CACNA1E: variants seen among roughly 807,000 people sequenced by gnomAD.
CACNA1E encodes the protein calcium voltage-gated channel subunit alpha1 E.
Under a neutral mutation model 259.2 loss-of-function variants are expected in CACNA1E, and 40 were observed. That is an observed-to-expected ratio of 0.15 (90% CI 0.12 to 0.20). CACNA1E has a LOEUF of 0.20. Ranked by LOEUF, CACNA1E falls within the 10% of genes least tolerant of loss-of-function variation. The pLI, the probability that CACNA1E is intolerant of heterozygous loss-of-function variation, is 1.00. For missense variants in CACNA1E, 1,874 were observed against 3,040.1 expected (o/e 0.62, Z 9.02); for synonymous variants, 1,104 against 1,138.5 (o/e 0.97, Z 0.61).
rs922443364 is a variant in CACNA1E, at chr1:181,453,924, G to A, written c.435-29820G>A. On this transcript the variant is annotated intron_variant, in intron 2 of 11. Coordinates refer to the CACNA1E transcript ENST00000524607. ...CAGATCCACAGCAGGGAGAACACAGGCTCTGCAGACAGAGACTGGGTATAG... is the reference window on the plus strand; with the variant it reads ...CAGATCCACAGCAGGGAGAACACAGACTCTGCAGACAGAGACTGGGTATAG... Among the ~76,000 whole-genome samples the A allele has an allele frequency of 4.6e-5, 7 of 152,328 alleles. No homozygotes were observed. The South Asian group carries it at 1.5e-3, about 32-fold the overall frequency.
chr1:181,730,824 T>C (rs1298282067), intron 18 of CACNA1E, among the ~76,000 whole-genome samples: 2 of 152,212 alleles, frequency 1.3e-5, no homozygotes, highest in African/African-American at 4.8e-5. Flanking sequence ...CAGCAACATC[T>C]ACAGGATTTC....
At chr1:181,719,538 GA>G (rs1654235345) in intron 12 of CACNA1E, among the ~76,000 whole-genome samples, 2 of 152,242 alleles carry the variant, frequency 1.3e-5, no homozygotes, top group Non-Finnish European at 2.9e-5. Flanking sequence ...TCTACAGTGT[GA>G]AGGATTAAAG....
At chr1:181,678,547 C>T (rs1649609506) in intron 7 of CACNA1E, among the ~76,000 whole-genome samples, 1 of 152,132 alleles carries the variant, frequency 6.6e-6, no homozygotes, top group Non-Finnish European at 1.5e-5. Context: ...CAAGGACATA[C>T]TGAACTAACA....
At chr1:181,654,961 G>A (rs1334546261) in intron 7 of CACNA1E, among the ~76,000 whole-genome samples, 1 of 146,398 alleles carries the variant, frequency 6.8e-6, no homozygotes, top group Non-Finnish European at 1.5e-5. Context: ...CTCCAGCCTG[G>A]GCGACAGCGA....
At chr1:181,634,926 T>TC (rs1657071960) in intron 6 of CACNA1E, among the ~76,000 whole-genome samples, 2 of 152,188 alleles carry the variant, frequency 1.3e-5, no homozygotes, top group African/African-American at 4.8e-5. Context: ...CTCTCTCTCC[T>TC]TTTCCTCATA....
intron 3 of CACNA1E, among the ~76,000 whole-genome samples, chr1:181,562,555 T>G (rs1213253722): frequency 3.3e-5 from 5 of 152,168 alleles, no homozygotes; most frequent in Non-Finnish European, 5.9e-5. Context: ...TTACAGTATT[T>G]TCATAAAATC....
chr1:181,730,624 A>G (rs1439240543), intron 18 of CACNA1E, among the ~76,000 whole-genome samples: 3 of 152,198 alleles, frequency 2.0e-5, no homozygotes, highest in Non-Finnish European at 4.4e-5. Flanking sequence ...GCCTACGGAA[A>G]GATGGTGCTG....
intron 6 of CACNA1E, among the ~76,000 whole-genome samples, chr1:181,587,030 A>C (rs1652135832): frequency 6.6e-6 from 1 of 152,104 alleles, no homozygotes. Flanking sequence ...TAGACCACAG[A>C]TGTAGGGATT....
At chr1:181,368,245 A>G (rs1292031413) in intron 1 of CACNA1E, among the ~76,000 whole-genome samples, 2 of 151,570 alleles carry the variant, frequency 1.3e-5, no homozygotes, top group Admixed American at 6.6e-5. Flanking sequence ...AATAAAATAA[A>G]AAGAAAATGT....
In CACNA1E at chr1:181,756,772, A is replaced by G. The variant is rs866882775; in HGVS notation, c.4128-153A>G. Among the ~76,000 whole-genome samples, 26 of 152,218 alleles carry G rather than the reference A, an allele frequency of 1.7e-4. 1 individual carries two copies. Among genetic ancestry groups the G allele is most frequent in the Admixed American group, 3.9e-4 (6 of 15,284 alleles). On this transcript the variant is annotated intron_variant, in intron 29 of 47. Transcript: ENST00000367573. Reference sequence around the variant, plus strand: ...GAAAGAGAAGTGGATTGTTGATAGCAGGATATGACAACTTGGGTTTGGACT... The same window carrying G: ...GAAAGAGAAGTGGATTGTTGATAGCGGGATATGACAACTTGGGTTTGGACT...
chr1:181,525,941 T>C (rs559228618), intron 3 of CACNA1E, among the ~76,000 whole-genome samples: 1 of 152,320 alleles, frequency 6.6e-6, no homozygotes, highest in Admixed American at 6.5e-5. Context: ...TTTATAGCCC[T>C]AAGGAAAGGA....
At chr1:181,638,646 G>A (rs1196102783) in intron 6 of CACNA1E, among the ~76,000 whole-genome samples, 1 of 152,162 alleles carries the variant, frequency 6.6e-6, no homozygotes, top group Non-Finnish European at 1.5e-5. Context: ...ATCTCATCTT[G>A]AGTTGTAATC....
At chr1:181,768,235 T>C (rs908650817) in intron 35 of CACNA1E, among the ~76,000 whole-genome samples, 2 of 152,232 alleles carry the variant, frequency 1.3e-5, no homozygotes, top group Admixed American at 1.3e-4. Flanking sequence ...ATAATGGTGA[T>C]AATGCTGTTT....
At chr1:181,514,809 G>A (rs1666439842) in intron 3 of CACNA1E, among the ~76,000 whole-genome samples, 1 of 152,158 alleles carries the variant, frequency 6.6e-6, no homozygotes, top group African/African-American at 2.4e-5. Flanking sequence ...AGGGGCCTGG[G>A]CTACCACATT....
At chr1:181,500,587 G>A (rs540659566) in intron 1 of CACNA1E, among the ~76,000 whole-genome samples, 7 of 152,266 alleles carry the variant, frequency 4.6e-5, no homozygotes, top group South Asian at 4.1e-4. Context: ...ATCTGTCTTC[G>A]GATGGGTACT....
chr1:181,490,300 C>T (rs1664198292), intron 1 of CACNA1E, among the ~76,000 whole-genome samples: 4 of 151,972 alleles, frequency 2.6e-5, no homozygotes, highest in African/African-American at 9.7e-5. Context: ...GTGGGTACTT[C>T]TTAGGAGCTT....
At chr1:181,744,876 A>G (rs116201454) in intron 25 of CACNA1E, among the ~76,000 whole-genome samples, 49 of 152,354 alleles carry the variant, frequency 3.2e-4, no homozygotes, top group African/African-American at 1.2e-3. Flanking sequence ...CAAGTAGCCC[A>G]TTAACTGTGG....
At chr1:181,613,529 T>C (rs1471381559) in intron 6 of CACNA1E, among the ~76,000 whole-genome samples, 1 of 152,218 alleles carries the variant, frequency 6.6e-6, no homozygotes, top group Non-Finnish European at 1.5e-5. Context: ...CATTTTCACA[T>C]TGAGTAGGCT....
intron 8 of CACNA1E, among the ~76,000 whole-genome samples, chr1:181,712,703 A>G (rs1460426520): frequency 6.6e-6 from 1 of 151,882 alleles, no homozygotes; most frequent in Non-Finnish European, 1.5e-5. Context: ...CCAGAATGGT[A>G]ACTCAGGCTT....
Sources: gnomAD v4.1 joint callset for allele counts (sites outside exome capture counted in the v4.1 genomes callset) on GRCh38, gnomAD v4.1.1 for gene constraint, MANE v1.5 for transcripts, NCBI Gene and HGNC (gene_info 2026-07-23, HGNC 2026-07-21) for gene names.